Variants in HEATR5A observed in about 807,000 individuals in gnomAD.
HEATR5A encodes the protein HEAT repeat-containing protein 5A.
In HEATR5A, 178 loss-of-function variants were observed where a neutral mutation model predicts 218.8. The observed-to-expected ratio is 0.81, with a 90% CI of 0.72 to 0.92. The LOEUF (loss-of-function observed/expected upper bound fraction) is 0.92, where lower values mean the gene tolerates loss of function less well. Among genes scored for constraint, HEATR5A ranks in the 40% least tolerant of loss-of-function variants. The probability of loss-of-function intolerance (pLI) is 0.00; values close to 1 mark genes in which losing one functional copy is unlikely to be tolerated. For synonymous variants in HEATR5A, 864 were observed against 871.6 expected (o/e 0.99, Z 0.15); for missense variants, 2,420 against 2,418.9 (o/e 1.00, Z -0.01).
chr14:31,321,686 A>C lies in HEATR5A; in HGVS notation c.3788-6T>G. On this transcript the variant is annotated splice_region_variant and splice_polypyrimidine_tract_variant and intron_variant, in intron 24 of 35. Coordinates refer to ENST00000543095, the MANE Select transcript of HEATR5A (RefSeq NM_015473.4). ...ATGCAGTACCAAAAAGTCATCTATA[A>C]GATTAAAAAACATATTGGGAGAAAA... The C allele has an allele frequency of 6.4e-7, 1 of 1,557,516 alleles. No individual in the cohort carries two copies. The highest frequency in any genetic ancestry group is 8.7e-7 in the Non-Finnish European group (1 of 1,152,086).
chr14:31,409,412 T>A (rs575986202), intron 1 of HEATR5A, among the ~76,000 whole-genome samples: 3 of 151,516 alleles, frequency 2.0e-5, no homozygotes, highest in Non-Finnish European at 4.4e-5. Context: ...AACAACCGTA[T>A]TATCAGGCCA....
chr14:31,338,963 C>CA (rs1900751719), intron 21 of HEATR5A, among the ~76,000 whole-genome samples: 1 of 149,864 alleles, frequency 6.7e-6, no homozygotes, highest in African/African-American at 2.5e-5. Flanking sequence ...CTAAAAAATA[C>CA]AAAAAAATTA....
chr14:31,342,535 A>T (rs1040640698), intron 21 of HEATR5A, among the ~76,000 whole-genome samples: 1 of 152,246 alleles, frequency 6.6e-6, no homozygotes, highest in Non-Finnish European at 1.5e-5. Context: ...CTTTACAAGC[A>T]GCATTTTGTG....
At chr14:31,335,579 T>A (rs1309299280) in intron 22 of HEATR5A, among the ~76,000 whole-genome samples, 2 of 152,222 alleles carry the variant, frequency 1.3e-5, no homozygotes, top group Non-Finnish European at 2.9e-5. Flanking sequence ...CCTAAAAGCT[T>A]AAGATACTGA....
At chr14:31,382,741 T>G (rs1284560404) in intron 10 of HEATR5A, among the ~76,000 whole-genome samples, 1 of 150,914 alleles carries the variant, frequency 6.6e-6, no homozygotes, top group Non-Finnish European at 1.5e-5. Flanking sequence ...TTGGAGAAGT[T>G]GAATATCATT....
Position 31,398,680 on chromosome 14 carries a change from C to T in HEATR5A, c.440G>A (p.Ser147Asn). Residue 147 changes from serine to asparagine, a missense_variant, in exon 4 of 36, where the codon AGT becomes AAT. Coordinates refer to ENST00000543095, the MANE Select transcript of HEATR5A (RefSeq NM_015473.4). Reference protein sequence around the residue: ...TVGNILKAMKSAESQGRYEIM... With the variant: ...TVGNILKAMKNAESQGRYEIM... ...GAACTTGTAATTACTTACCTCTGCA[C>T]TCTTCATAGCTTTAAGAATATTCCC... 1 of 1,488,360 alleles carries T rather than the reference C, an allele frequency of 6.7e-7. No homozygotes were observed. Among genetic ancestry groups the T allele is most frequent in the Non-Finnish European group, 9.1e-7 (1 of 1,103,372 alleles). 92.2% of individuals were successfully genotyped at this position (1,488,360 alleles called of 1,614,324 possible). A position where few individuals can be genotyped will look rare whatever the true frequency, so the allele number is the denominator to read the frequency against.
chr14:31,395,116 A>G lies in HEATR5A; in HGVS notation c.597+83T>C, dbSNP rs1022115692. 6.8e-6 allele frequency: 6 copies of G among 879,036 alleles called. No individual in the cohort carries two copies. The East Asian group carries it at 1.6e-4, about 24-fold the overall frequency. The allele number at this position is 879,036 out of a possible 1,614,324, so 54.5% of individuals were successfully genotyped here. A position where few individuals can be genotyped will look rare whatever the true frequency, so the allele number is the denominator to read the frequency against. On this transcript the variant is annotated intron_variant, in intron 5 of 35. Transcript: ENST00000543095. ...TCCTAGCTGACTACCAAGATCATGT[A>G]GCTTTTACTAATGCTTTCACAAAGA... is the stretch of plus-strand genomic sequence containing the variant.
chr14:31,351,779 ATT>A (rs753608304), intron 16 of HEATR5A, among the ~76,000 whole-genome samples: 1 of 143,184 alleles, frequency 7.0e-6, no homozygotes, highest in Non-Finnish European at 1.5e-5. Context: ...CACCCTGCTA[ATT>A]TTTTTTTTTT....
chr14:31,382,219 AG>A (rs1200581178), intron 10 of HEATR5A, among the ~76,000 whole-genome samples: 19 of 152,362 alleles, frequency 1.2e-4, no homozygotes, highest in African/African-American at 4.3e-4. Context: ...TTGCTTAGCA[AG>A]ATGTGATGTG....
chr14:31,328,632 C>T (rs946162145), intron 22 of HEATR5A, among the ~76,000 whole-genome samples: 5 of 152,114 alleles, frequency 3.3e-5, no homozygotes, highest in East Asian at 1.9e-4. Context: ...ATAATCCCAG[C>T]ACTTTGGGAG....
intron 2 of HEATR5A, 30 bp from the exon 3 acceptor site, chr14:31,400,542 CA>C (rs2030832291): frequency 1.5e-6 from 2 of 1,378,906 alleles, no homozygotes; most frequent in East Asian, 5.0e-5. Context: ...AAAGACAATT[CA>C]AAGTCAATAT....
intron 25 of HEATR5A, chr14:31,320,491 C>G: frequency 7.4e-7 from 1 of 1,352,634 alleles, no homozygotes; most frequent in Non-Finnish European, 1.0e-6. Context: ...GTCTGGCCAC[C>G]TGGAGTGGGG....
chr14:31,359,743 A>G lies in HEATR5A; in HGVS notation c.2072-686T>C, dbSNP rs551845608. Among the ~76,000 whole-genome samples the G allele has an allele frequency of 1.5e-3, 231 of 151,268 alleles. 1 individual carries two copies. Among genetic ancestry groups the G allele is most frequent in the South Asian group, 9.2e-3 (44 of 4,808 alleles). On this transcript the variant is annotated intron_variant, in intron 14 of 35. Transcript: ENST00000543095. ...CCATCTCAAGACAAAAAAAAAAAAA[A>G]AAAAAAAAAAGAATTATCCTGAGAA...
chr14:31,299,494 C>T (rs1337612784), intron 33 of HEATR5A, among the ~76,000 whole-genome samples: 7 of 151,916 alleles, frequency 4.6e-5, no homozygotes, highest in African/African-American at 1.7e-4. Flanking sequence ...CCAAGGTGGG[C>T]GGATCATCTG....
intron 6 of HEATR5A, among the ~76,000 whole-genome samples, chr14:31,392,711 G>C (rs1163171313): frequency 1.3e-5 from 2 of 152,104 alleles, no homozygotes; most frequent in African/African-American, 2.4e-5. Flanking sequence ...CTCAGTGCTT[G>C]ATCCTCCTCC....
In HEATR5A at chr14:31,343,948, T is replaced by C; in HGVS notation, c.3176A>G (p.His1059Arg). 6.2e-7 allele frequency: 1 copy of C among 1,611,868 alleles called. No individual in the cohort carries two copies. The highest frequency in any genetic ancestry group is 1.7e-4 in the Middle Eastern group (1 of 6,046). The change falls in exon 21 of 36, where the codon CAT becomes CGT. Residue 1059 changes from histidine to arginine, a missense_variant. Coordinates refer to ENST00000543095, the MANE Select transcript of HEATR5A (RefSeq NM_015473.4). ...GTTGACATGTCGTGGAGCAAACATA[T>C]GAAGCTGCTGAAGGCAAGAGATGGC... Reference protein sequence around the residue: ...AQAISCLQQLHMFAPRHVNLS... With the variant: ...AQAISCLQQLRMFAPRHVNLS...
intron 24 of HEATR5A, among the ~76,000 whole-genome samples, chr14:31,322,817 T>TAAAA (rs376742735): frequency 9.9e-6 from 1 of 101,104 alleles, no homozygotes; most frequent in Non-Finnish European, 2.0e-5. Context: ...AAATGCTGTC[T>TAAAA]AAAAAAAAAA....
intron 1 of HEATR5A, among the ~76,000 whole-genome samples, chr14:31,409,525 C>A (rs2031202889): frequency 6.6e-6 from 1 of 152,060 alleles, no homozygotes; most frequent in African/African-American, 2.4e-5. Context: ...CATGGCAAAA[C>A]CCTGTCTCCA....
intron 22 of HEATR5A, among the ~76,000 whole-genome samples, chr14:31,332,273 G>A (rs1235967828): frequency 3.3e-5 from 5 of 152,242 alleles, no homozygotes; most frequent in East Asian, 1.9e-4. Flanking sequence ...CTATGCCCAC[G>A]CAAAACAGCA....
Sources: gnomAD v4.1 joint callset for allele counts (sites outside exome capture counted in the v4.1 genomes callset) on GRCh38, gnomAD v4.1.1 for gene constraint, MANE v1.5 for transcripts, NCBI Gene and HGNC (gene_info 2026-07-23, HGNC 2026-07-21) for gene names.